CPAMD8: variants seen among roughly 807,000 people sequenced by gnomAD.
CPAMD8 encodes C3 and PZP like alpha-2-macroglobulin domain containing 8.
In CPAMD8, 146 loss-of-function variants were observed where a neutral mutation model predicts 224.7. The ratio of observed to expected loss-of-function variants is 0.65; its 90% CI spans 0.57 to 0.75. CPAMD8 has a LOEUF of 0.75. Among genes scored for constraint, CPAMD8 ranks in the 30% least tolerant of loss-of-function variants. CPAMD8 has a pLI of 0.00. For synonymous variants in CPAMD8, 966 were observed against 1,044.6 expected, an observed-to-expected ratio of 0.92 and a Z score of 1.45; for missense variants, 2,301 against 2,537.5, an observed-to-expected ratio of 0.91 and a Z score of 2.00.
At chr19:17,008,041 C>T (rs1450318692) in intron 7 of CPAMD8, among the ~76,000 whole-genome samples, 1 of 152,180 alleles carries the variant, frequency 6.6e-6, no homozygotes, top group Non-Finnish European at 1.5e-5. Flanking sequence ...TGGTGCCATG[C>T]ACCTGTAATC....
intron 13 of CPAMD8, 81 bp downstream of exon 13, chr19:16,989,562 C>T: frequency 6.6e-7 from 1 of 1,521,142 alleles, no homozygotes; most frequent in Non-Finnish European, 8.9e-7. Flanking sequence ...GCTGGGATTA[C>T]AGGCATGAGC....
chr19:17,009,282 G>T (rs769576494), intron 6 of CPAMD8, 21 bp downstream of exon 6: 4 of 1,613,976 alleles, frequency 2.5e-6, no homozygotes, highest in Non-Finnish European at 3.4e-6. Flanking sequence ...TCCAAGCCGA[G>T]GAAGGACAGA....
At position 16,947,106 on chromosome 19, in the gene CPAMD8, G is replaced by T. The variant is rs778540340; in HGVS notation, c.2630C>A (p.Ser877Tyr). The change falls in exon 21 of 42, where the codon TCC (serine) becomes TAC (tyrosine). Residue 877 changes from serine to tyrosine, a missense_variant. Around this residue, in one of 4 missense-constraint regions of CPAMD8, gnomAD observed 1,709 missense variants for 1,753.2 expected, o/e 0.97. Coordinates refer to ENST00000443236, the MANE Select transcript of CPAMD8 (RefSeq NM_015692.5). Reference sequence around the variant, plus strand: ...GTTGTTGAGTCCCAGGTCGCTGAAGGACAGAACGACCCAGATGGGCTCAGC... The same window carrying T: ...GTTGTTGAGTCCCAGGTCGCTGAAGTACAGAACGACCCAGATGGGCTCAGC... ...GEAEPIWVVL[S>Y]FSDLGLNNIT... 6.2e-7 allele frequency: 1 copy of T among 1,613,130 alleles called. No homozygotes were observed.
intron 2 of CPAMD8, among the ~76,000 whole-genome samples, chr19:17,021,782 T>C (rs1403049980): frequency 6.6e-6 from 1 of 152,206 alleles, no homozygotes; most frequent in Non-Finnish European, 1.5e-5. Context: ...TCTGCCCAGA[T>C]CTGCACCCAC....
chr19:16,954,349 A>C lies in CPAMD8; in HGVS notation c.2277-2149T>G, dbSNP rs1224295279. Among the ~76,000 whole-genome samples, 6 of 151,288 alleles carry C rather than the reference A, an allele frequency of 4.0e-5. No individual in the cohort carries two copies. In the South Asian group the frequency reaches 1.3e-3, roughly 32 times the overall value. ...CTCTATCTCAAAAAAAAAAAAAAAG[A>C]AAAGAAAGAAAAAGAGAACAGCAAG... On this transcript the variant is annotated intron_variant, in intron 19 of 41. Coordinates refer to ENST00000443236, the MANE Select transcript of CPAMD8 (RefSeq NM_015692.5).
In CPAMD8 at chr19:16,952,030, A is replaced by C; in HGVS notation, c.2447T>G (p.Ile816Ser). 1.3e-6 allele frequency: 2 copies of C among 1,585,480 alleles called. No individual in the cohort carries two copies. The highest frequency in any genetic ancestry group is 1.7e-6 in the Non-Finnish European group (2 of 1,164,382). Residue 816 changes from isoleucine to serine, a missense_variant, in exon 20 of 42, where the codon ATC becomes AGC. By Grantham distance (142) the Ile-to-Ser change is moderately radical. This residue lies in a region of CPAMD8 where 1,709 missense variants were observed against 1,753.2 expected (regional missense o/e 0.97). Coordinates refer to ENST00000443236, the MANE Select transcript of CPAMD8 (RefSeq NM_015692.5). ...CGGGATCTTGACCTGCTCCCCACGG[A>C]TGATGAGAGCGGGGAGCATGAAGTC... is the stretch of plus-strand genomic sequence containing the variant. ...FVDFMLPALI[I>S]RGEQVKIPLS... is the part of the protein sequence containing the mutation.
intron 27 of CPAMD8, among the ~76,000 whole-genome samples, chr19:16,917,016 A>T (rs1043522747): frequency 2.6e-5 from 4 of 152,170 alleles, no homozygotes; most frequent in African/African-American, 4.8e-5. Context: ...GAATTGTGGA[A>T]TTCCCATGGT....
chr19:16,993,396 G>T lies in CPAMD8; in HGVS notation c.1266+20C>A, dbSNP rs765066061. The stretch of plus-strand genomic sequence containing the variant: ...CCATACCTGCTGGCTGAATAACAAG[G>T]GTCCACGGGACTCACCCACCTCCAG... On this transcript the variant is annotated intron_variant, in intron 12 of 41. Coordinates refer to ENST00000443236, the MANE Select transcript of CPAMD8 (RefSeq NM_015692.5). The T allele has an allele frequency of 1.2e-6, 2 of 1,604,990 alleles. No homozygotes were observed. The highest frequency in any genetic ancestry group is 2.2e-5 in the South Asian group (2 of 89,842).
chr19:16,917,877 T>C (rs898798183), intron 27 of CPAMD8, among the ~76,000 whole-genome samples: 2 of 152,240 alleles, frequency 1.3e-5, no homozygotes, highest in African/African-American at 4.8e-5. Context: ...TCTCTTGGTA[T>C]CTGTAGGGGA....
intron 10 of CPAMD8, among the ~76,000 whole-genome samples, chr19:16,997,918 G>C (rs1230470899): frequency 1.3e-5 from 2 of 152,110 alleles, no homozygotes; most frequent in African/African-American, 4.8e-5. Flanking sequence ...AACCTGCTCA[G>C]CCTCACTCTG....
chr19:16,923,069 A>G (rs112034958), intron 26 of CPAMD8, among the ~76,000 whole-genome samples: 156 of 152,288 alleles, frequency 1.0e-3, no homozygotes, highest in African/African-American at 3.6e-3. Flanking sequence ...CTGGGGCGAG[A>G]GCTTGGGAAG....
At chr19:16,975,959 G>A (rs2122703518) in intron 16 of CPAMD8, 43 bp downstream of exon 16, 1 of 1,474,240 alleles carries the variant, frequency 6.8e-7, no homozygotes, top group Non-Finnish European at 9.0e-7. Flanking sequence ...AGAAGGTAAA[G>A]CCCCGTGGAG....
chr19:16,927,685 C>G (rs1352091830), intron 25 of CPAMD8, among the ~76,000 whole-genome samples: 3 of 152,214 alleles, frequency 2.0e-5, no homozygotes. Context: ...ACTGCCCTCA[C>G]AGGGTTCACT....
Position 16,970,885 on chromosome 19 carries a change from CGTT to C in CPAMD8, c.2213+3_2213+5del. On this transcript the variant is annotated splice_donor_5th_base_variant and intron_variant, in intron 18 of 41. Coordinates refer to ENST00000443236, the MANE Select transcript of CPAMD8 (RefSeq NM_015692.5). ...AGAAAACCTTGCTCAATGTATAAGCCGTTACCTGGGGGGGTGCCTGGAAGGAGC... is the reference window on the plus strand; with the variant it reads ...AGAAAACCTTGCTCAATGTATAAGCCACCTGGGGGGGTGCCTGGAAGGAGC... 1 of 1,613,188 alleles carries C rather than the reference CGTT, an allele frequency of 6.2e-7. No individual in the cohort carries two copies. Among genetic ancestry groups the C allele is most frequent in the Non-Finnish European group, 8.5e-7 (1 of 1,179,730 alleles).
Position 16,896,163 on chromosome 19 carries a change from G to A in CPAMD8, c.5426+13C>T, listed in dbSNP as rs1568442986. 2.5e-6 allele frequency: 4 copies of A among 1,613,326 alleles called. No homozygotes were observed. In the African/African-American group the frequency reaches 5.3e-5, roughly 22 times the overall value. On this transcript the variant is annotated intron_variant, in intron 41 of 41. Coordinates refer to ENST00000443236, the MANE Select transcript of CPAMD8 (RefSeq NM_015692.5). ...CCTATGTCTCTTATCTCTGGGGTGG[G>A]CCCAGCTGTTACCTGTCCTCCGCCT... is the stretch of plus-strand genomic sequence containing the variant.
chr19:16,896,070 C>T, intron 41 of CPAMD8, 106 bp downstream of exon 41: 1 of 985,534 alleles, frequency 1.0e-6, no homozygotes, highest in Non-Finnish European at 1.4e-6. Flanking sequence ...GGGGTCGGGG[C>T]GGGGCGGAGG....
intron 9 of CPAMD8, among the ~76,000 whole-genome samples, chr19:17,001,482 G>A (rs2056321647): frequency 1.1e-5 from 1 of 93,056 alleles, no homozygotes; most frequent in African/African-American, 5.1e-5. Flanking sequence ...GGGGGGTAGG[G>A]CATTCTTTGG....
Position 16,971,458 on chromosome 19 carries a change from C to T in CPAMD8, c.2071-425G>A, listed in dbSNP as rs1304497188. 3.9e-5 allele frequency among the ~76,000 whole-genome samples: 6 copies of T among 152,154 alleles called. No individual in the cohort carries two copies. The South Asian group carries it at 1.0e-3, about 26-fold the overall frequency. ...GAGAAGAGAGAACAGCACATTTGAA[C>T]TGTGCAACCAAATCAGATGGTCCAA... On this transcript the variant is annotated intron_variant, in intron 17 of 41. Coordinates refer to ENST00000443236, the MANE Select transcript of CPAMD8 (RefSeq NM_015692.5).
intron 13 of CPAMD8, among the ~76,000 whole-genome samples, chr19:16,982,275 C>A (rs994794778): frequency 2.0e-5 from 3 of 151,904 alleles, no homozygotes; most frequent in African/African-American, 7.3e-5. Context: ...TGCCTGTGGT[C>A]TCAGCTACTC....
Sources: allele counts gnomAD v4.1 joint callset (sites outside exome capture counted in the v4.1 genomes callset), GRCh38; gene constraint gnomAD v4.1.1; regional missense constraint gnomAD v4.1.1; transcripts MANE v1.5; gene names NCBI Gene and HGNC (gene_info 2026-07-23, HGNC 2026-07-21).